The following BLTP1 variants were observed in gnomAD, a reference collection of about 807,000 sequenced individuals.
BLTP1 encodes the protein fragile site-associated protein.
chr4:122,301,444 T>G, the BLTP1 span: 1 of 1,097,928 alleles, frequency 9.1e-7, no homozygotes, highest in Non-Finnish European at 1.3e-6. Flanking sequence ...TCTAATCAAT[T>G]AATATATGCT....
the BLTP1 span, among the ~76,000 whole-genome samples, chr4:122,278,939 C>G: frequency 3.9e-5 from 6 of 152,200 alleles, no homozygotes; most frequent in East Asian, 3.9e-4. Context: ...CATGACTGAT[C>G]TGCTTTTGAT....
At chr4:122,167,861 G>C in the BLTP1 span, 1 of 985,306 alleles carries the variant, frequency 1.0e-6, no homozygotes, top group African/African-American at 1.7e-5. Flanking sequence ...GAAGGGTAGA[G>C]GAAGAGGAAA....
the BLTP1 span, chr4:122,314,072 A>G: frequency 1.0e-6 from 1 of 975,062 alleles, no homozygotes. Flanking sequence ...AGAAGAGAAT[A>G]TTTTCAAATA....
the BLTP1 span, chr4:122,331,275 A>T: frequency 6.5e-7 from 1 of 1,536,794 alleles, no homozygotes; most frequent in South Asian, 1.2e-5. Flanking sequence ...TAGTTTGTTA[A>T]AAAGAACTCT....
chr4:122,214,142 A>G, the BLTP1 span: 1 of 821,506 alleles, frequency 1.2e-6, no homozygotes, highest in Middle Eastern at 6.2e-4. Flanking sequence ...ATTAGCTGTC[A>G]TCTTTTAGCC....
chr4:122,340,095 T>A, the BLTP1 span, among the ~76,000 whole-genome samples: 1 of 152,136 alleles, frequency 6.6e-6, no homozygotes, highest in Admixed American at 6.6e-5. Context: ...AAGACTGGAA[T>A]GTCATTAAAA....
At chr4:122,181,956 C>T in the BLTP1 span, among the ~76,000 whole-genome samples, 2 of 152,066 alleles carry the variant, frequency 1.3e-5, no homozygotes, top group Non-Finnish European at 2.9e-5. Context: ...TAATTGATAA[C>T]ATCTACCAAC....
chr4:122,264,410 C>A, the BLTP1 span: 1 of 1,607,174 alleles, frequency 6.2e-7, no homozygotes, highest in South Asian at 1.1e-5. Context: ...TCCTGCTGTT[C>A]AGCTTGCTGA....
chr4:122,198,198 T>A, the BLTP1 span: 1 of 970,896 alleles, frequency 1.0e-6, no homozygotes, highest in Non-Finnish European at 1.2e-6. Context: ...GTGAATGGCA[T>A]AGTGTATCTT....
chr4:122,182,787 C>G, the BLTP1 span: 1 of 985,256 alleles, frequency 1.0e-6, no homozygotes, highest in South Asian at 4.7e-5. Flanking sequence ...TATGCATCTG[C>G]TCTACCAAAT....
chr4:122,154,593 G>T, the BLTP1 span, among the ~76,000 whole-genome samples: 3 of 152,066 alleles, frequency 2.0e-5, no homozygotes, highest in African/African-American at 7.2e-5. Context: ...TGAGAAAATG[G>T]CCGGGCGCGG....
the BLTP1 span, among the ~76,000 whole-genome samples, chr4:122,166,389 T>C: frequency 6.6e-6 from 1 of 152,326 alleles, no homozygotes; most frequent in South Asian, 2.1e-4. Flanking sequence ...GTTGTAGATA[T>C]GCGGCACTAT....
At chr4:122,210,013 A>C in the BLTP1 span, 1 of 1,493,216 alleles carries the variant, frequency 6.7e-7, no homozygotes, top group Non-Finnish European at 9.0e-7. Flanking sequence ...ATTGAAATGC[A>C]TCTATTCTTG....
chr4:122,309,991 G>A, the BLTP1 span, among the ~76,000 whole-genome samples: 4 of 151,882 alleles, frequency 2.6e-5, no homozygotes, highest in African/African-American at 4.8e-5. Flanking sequence ...TTGAAGATAC[G>A]GAATTTATTT....
At chr4:122,153,134 C>A in the BLTP1 span, 1 of 495,708 alleles carries the variant, frequency 2.0e-6, no homozygotes, top group Non-Finnish European at 2.6e-6. Context: ...GTTGATTTTT[C>A]TTCCGGAGAG....
the BLTP1 span, chr4:122,254,565 C>T: frequency 2.1e-6 from 2 of 944,872 alleles, no homozygotes; most frequent in African/African-American, 3.6e-5. Context: ...TTATATGTTC[C>T]TCTGCCTTAG....
chr4:122,349,554 G>T, the BLTP1 span: 14 of 1,612,454 alleles, frequency 8.7e-6, no homozygotes, highest in Non-Finnish European at 1.2e-5. This position sits in a 1 kb window ranked among gnomAD's most constrained non-coding sequence, Gnocchi z 4.5. Flanking sequence ...TATCCTCATG[G>T]GCATCTTCAG....
the BLTP1 span, among the ~76,000 whole-genome samples, chr4:122,262,094 T>G: frequency 6.6e-6 from 1 of 152,082 alleles, no homozygotes; most frequent in African/African-American, 2.4e-5. Flanking sequence ...CTTTCTTTAG[T>G]TTCTTTGAGT....
chr4:122,255,829 G>C, the BLTP1 span: 1 of 153,030 alleles, frequency 6.5e-6, no homozygotes, highest in Non-Finnish European at 1.5e-5. Flanking sequence ...AAAATTAAAG[G>C]GGGTGTAGGT....
Sources: allele counts gnomAD v4.1 joint callset (sites outside exome capture counted in the v4.1 genomes callset), GRCh38; gene constraint gnomAD v4.1.1; non-coding constraint Gnocchi (gnomAD v3.1); transcripts MANE v1.5; gene names NCBI Gene and HGNC (gene_info 2026-07-23, HGNC 2026-07-21).